Variants in ZNF43 observed in about 807,000 individuals in gnomAD.
The protein encoded by ZNF43 is zinc finger protein 43.
A neutral mutation model predicts 68.4 loss-of-function variants in ZNF43; 44 were observed. The ratio of observed to expected loss-of-function variants is 0.64; its 90% confidence interval spans 0.51 to 0.83. The LOEUF (loss-of-function observed/expected upper bound fraction) is 0.83. Among genes scored for constraint, ZNF43 ranks in the 40% least tolerant of loss-of-function variants. The pLI is 0.00. For missense variants in ZNF43, 896 were observed against 933.2 expected, an observed-to-expected ratio of 0.96 and a Z score of 0.52; for synonymous variants, 308 against 307.8, an observed-to-expected ratio of 1.00 and a Z score of -0.01.
chr19:21,810,048 G>A (rs1007258928), intron 3 of ZNF43, among the ~76,000 whole-genome samples: 1 of 152,090 alleles, frequency 6.6e-6, no homozygotes, highest in Non-Finnish European at 1.5e-5. Context: ...CACATAGAAG[G>A]AAAATATAAA....
chr19:21,816,420 T>C (rs1235807759), intron 3 of ZNF43, among the ~76,000 whole-genome samples: 1 of 152,174 alleles, frequency 6.6e-6, no homozygotes, highest in Non-Finnish European at 1.5e-5. Flanking sequence ...AGTTTTCTTT[T>C]TCAGAAGGCA....
chr19:21,808,737 CT>C lies in ZNF43; in HGVS notation c.1299del (p.Ala434ProfsTer97). On this transcript the variant is annotated frameshift_variant, in exon 4 of 4. Coordinates refer to ENST00000354959, the MANE Select transcript of ZNF43 (RefSeq NM_003423.4). LOFTEE classifies it high-confidence loss of function. ...EKPYKCEECG[K>X]AFNWPSTLTK... ...GTAAGGGTTGAGGGCCAGTTAAAGG[CT>C]TTGCCACATTCTTCACATTTGTAGG... 1 of 1,612,260 alleles carries C rather than the reference CT, an allele frequency of 6.2e-7. No homozygotes were observed. Among genetic ancestry groups the C allele is most frequent in the Non-Finnish European group, 8.5e-7 (1 of 1,179,760 alleles).
At chr19:21,831,368 T>G (rs966062518) in intron 1 of ZNF43, among the ~76,000 whole-genome samples, 9 of 152,092 alleles carry the variant, frequency 5.9e-5, no homozygotes, top group African/African-American at 2.2e-4. Context: ...TTAATTTTTA[T>G]TTTATTTTTT....
chr19:21,823,031 A>G (rs2037932549), intron 1 of ZNF43, among the ~76,000 whole-genome samples: 1 of 152,216 alleles, frequency 6.6e-6, no homozygotes, highest in African/African-American at 2.4e-5. Context: ...ATGTATTCTT[A>G]GCAAGGTAAG....
chr19:21,819,099 G>A lies in ZNF43; in HGVS notation c.126C>T (p.Phe42=). 1 of 1,609,516 alleles carries A rather than the reference G, an allele frequency of 6.2e-7. No homozygotes were observed. Among genetic ancestry groups the A allele is most frequent in the South Asian group, 1.1e-5 (1 of 90,244 alleles). Residue 42 remains phenylalanine, a synonymous_variant, in exon 2 of 4, where the codon TTC becomes TTT. Transcript: ENST00000354959. ...GAGTATTGAAGTTATGCTCACCCAG[G>A]AAGACCAGGTTTCTGTAGTTCTCTA... ...VMLENYRNLV[F]LGIAVSKPDL...
intron 1 of ZNF43, among the ~76,000 whole-genome samples, chr19:21,833,746 G>T (rs1221361797): frequency 3.3e-5 from 5 of 152,022 alleles, no homozygotes; most frequent in African/African-American, 1.2e-4. Context: ...AAAAGTCTCT[G>T]GCTGGGTGTG....
chr19:21,819,320 A>G, intron 1 of ZNF43, 99 bp from the exon 2 acceptor site: 1 of 1,386,362 alleles, frequency 7.2e-7, no homozygotes, highest in Non-Finnish European at 9.7e-7. Flanking sequence ...GAGAGTAAAG[A>G]GAACAGGTAC....
At chr19:21,823,278 T>C (rs1232247935) in intron 1 of ZNF43, among the ~76,000 whole-genome samples, 1 of 152,094 alleles carries the variant, frequency 6.6e-6, no homozygotes. Context: ...CCATAAGAAA[T>C]GGTAGAAATT....
chr19:21,827,487 A>G (rs188578233), intron 1 of ZNF43, among the ~76,000 whole-genome samples: 3 of 151,282 alleles, frequency 2.0e-5, no homozygotes, highest in Non-Finnish European at 4.4e-5. Flanking sequence ...TCAGCCTCCC[A>G]AGTAGCTGGG....
At chr19:21,833,221 A>G (rs892629112) in intron 1 of ZNF43, among the ~76,000 whole-genome samples, 3 of 151,544 alleles carry the variant, frequency 2.0e-5, no homozygotes, top group Non-Finnish European at 2.9e-5. Context: ...GAAGATTCCT[A>G]AACTCACTCT....
Position 21,807,621 on chromosome 19 carries a change from A to G in ZNF43, c.2416T>C (p.Ser806Pro). The change falls in exon 4 of 4, where the codon TCA becomes CCA. Residue 806 changes from serine (S) to proline (P), a missense_variant. Physicochemically the swap from Ser to Pro is moderately conservative, Grantham distance 74. Transcript: ENST00000354959. Reference sequence around the variant, plus strand: ...ACCAGTATAATTTATTTTATGTTTGAAAAAGTTTGAGGTGTTGTCAAAATC... The same window carrying G: ...ACCAGTATAATTTATTTTATGTTTGGAAAAGTTTGAGGTGTTGTCAAAATC... ...TVILTTPQTFSNIK is the reference protein window; with the variant it reads ...TVILTTPQTFPNIK 1 of 1,540,784 alleles carries G rather than the reference A, an allele frequency of 6.5e-7. No individual in the cohort carries two copies. Among genetic ancestry groups the G allele is most frequent in the Non-Finnish European group, 8.7e-7 (1 of 1,147,780 alleles).
At chr19:21,845,764 A>C (rs932599123) in intron 1 of ZNF43, among the ~76,000 whole-genome samples, 3 of 151,938 alleles carry the variant, frequency 2.0e-5, no homozygotes, top group African/African-American at 7.3e-5. Flanking sequence ...GTGGTGGTGC[A>C]TGCCTGTGAT....
At chr19:21,829,139 G>A (rs866798057) in intron 1 of ZNF43, among the ~76,000 whole-genome samples, 2 of 148,560 alleles carry the variant, frequency 1.3e-5, no homozygotes, top group East Asian at 2.0e-4. Flanking sequence ...CAGGAGAATC[G>A]CTTGAACCCA....
chr19:21,850,270 G>T (rs1335876023), intron 1 of ZNF43, among the ~76,000 whole-genome samples: 2 of 152,170 alleles, frequency 1.3e-5, no homozygotes, highest in Non-Finnish European at 2.9e-5. Flanking sequence ...CTGTAGAAAG[G>T]GCCTGGGCAG....
intron 1 of ZNF43, among the ~76,000 whole-genome samples, chr19:21,846,909 A>G (rs958641600): frequency 4.6e-5 from 7 of 152,140 alleles, no homozygotes; most frequent in African/African-American, 9.7e-5. Context: ...TAGGCAGAAG[A>G]CTCACATGTC....
rs369204419 is a variant in ZNF43 at position 21,822,177 on chromosome 19, C to T, written c.4-2956G>A. On this transcript the variant is annotated intron_variant, in intron 1 of 3. Transcript: ENST00000354959. ...GTTTCACCTTTTCTATCCTCAGGTG[C>T]CCTCCTCTGCCATGGACACCAGCAA... is the stretch of plus-strand genomic sequence containing the variant. 9.1e-4 allele frequency among the ~76,000 whole-genome samples: 86 copies of T among 94,506 alleles called. 3 individuals carry two copies. In the South Asian group the frequency reaches 0.028, roughly 31 times the overall value. 62.0% of individuals were successfully genotyped at this position (94,506 alleles called of 152,430 possible). A position where few individuals can be genotyped will look rare whatever the true frequency, so the allele number is the denominator to read the frequency against.
intron 1 of ZNF43, chr19:21,827,416 C>G (rs2038189877): frequency 6.6e-6 from 1 of 150,514 alleles, no homozygotes; most frequent in Non-Finnish European, 1.5e-5. Flanking sequence ...GGCTGGAGTT[C>G]AATGGTGCGA....
intron 3 of ZNF43, among the ~76,000 whole-genome samples, chr19:21,811,380 A>G (rs2145175090): frequency 6.6e-6 from 1 of 152,072 alleles, no homozygotes; most frequent in East Asian, 1.9e-4. Flanking sequence ...ACTAAAATAC[A>G]AAAAATTAGC....
intron 3 of ZNF43, among the ~76,000 whole-genome samples, chr19:21,814,585 AT>A (rs1370108393): frequency 6.6e-6 from 1 of 151,714 alleles, no homozygotes; most frequent in Non-Finnish European, 1.5e-5. Context: ...AATTTTTTGT[AT>A]TTTTAGTAGA....
Sources: gnomAD v4.1 joint callset for allele counts (sites outside exome capture counted in the v4.1 genomes callset) on GRCh38, gnomAD v4.1.1 for gene constraint, MANE v1.5 for transcripts, NCBI Gene and HGNC (gene_info 2026-07-23, HGNC 2026-07-21) for gene names.